The following ATE1 variants were observed in gnomAD, a reference collection of about 807,000 sequenced individuals.
ATE1 encodes arginyltransferase 1.
Under a neutral mutation model 70.5 loss-of-function variants are expected in ATE1, and 36 were observed. The ratio of observed to expected loss-of-function variants is 0.51; its 90% confidence interval spans 0.39 to 0.67. The LOEUF (loss-of-function observed/expected upper bound fraction) is 0.67, where lower values mean the gene tolerates loss of function less well. Among genes scored for constraint, ATE1 ranks in the 30% least tolerant of loss-of-function variants. The pLI is 0.00. For synonymous variants in ATE1, 232 were observed against 219.3 expected (o/e 1.06, Z -0.51); for missense variants, 593 against 629.5 (o/e 0.94, Z 0.62).
intron 10 of ATE1, among the ~76,000 whole-genome samples, chr10:121,813,657 CCCAGG>C (rs1947415105): frequency 6.6e-6 from 1 of 152,072 alleles, no homozygotes; most frequent in Non-Finnish European, 1.5e-5. Flanking sequence ...GAGGAGGAAA[CCCAGG>C]CTAGATGAAG....
At chr10:121,852,656 A>C (rs1271891301) in intron 8 of ATE1, among the ~76,000 whole-genome samples, 2 of 152,196 alleles carry the variant, frequency 1.3e-5, no homozygotes, top group Non-Finnish European at 2.9e-5. Context: ...GGTTGCAGTG[A>C]GCTGAGATCG....
At chr10:121,877,040 T>C (rs1950077985) in intron 7 of ATE1, among the ~76,000 whole-genome samples, 1 of 151,450 alleles carries the variant, frequency 6.6e-6, no homozygotes, top group Non-Finnish European at 1.5e-5. Flanking sequence ...ACAGAGTTCA[T>C]ATAAAATCAC....
chr10:121,908,754 T>A (rs1951302411), intron 5 of ATE1, among the ~76,000 whole-genome samples: 1 of 152,050 alleles, frequency 6.6e-6, no homozygotes, highest in South Asian at 2.1e-4. Context: ...CTCAAATAAT[T>A]CAAACTCAAA....
intron 5 of ATE1, among the ~76,000 whole-genome samples, chr10:121,904,640 CAAAAAAA>C (rs778557337): frequency 4.3e-5 from 2 of 46,492 alleles, no homozygotes; most frequent in Non-Finnish European, 9.0e-5. Flanking sequence ...GACTCCGTCT[CAAAAAAA>C]AAAAAAAAAA....
intron 3 of ATE1, among the ~76,000 whole-genome samples, chr10:121,917,087 C>T (rs1163747663): frequency 2.0e-5 from 3 of 151,828 alleles, no homozygotes; most frequent in African/African-American, 7.3e-5. Flanking sequence ...TCACTTGAGC[C>T]CAAGGGTGGA....
intron 7 of ATE1, among the ~76,000 whole-genome samples, chr10:121,893,741 A>T (rs1950663624): frequency 6.6e-6 from 1 of 152,198 alleles, no homozygotes; most frequent in African/African-American, 2.4e-5. Flanking sequence ...ATATCTTAAA[A>T]ATATATAGTG....
chr10:121,875,009 C>T (rs1157904747), intron 7 of ATE1, among the ~76,000 whole-genome samples: 3 of 36,412 alleles, frequency 8.2e-5, no homozygotes, highest in Admixed American at 1.8e-4. Context: ...AAAAATTAGC[C>T]GGGCACGTAG....
intron 8 of ATE1, among the ~76,000 whole-genome samples, chr10:121,841,932 A>T (rs1948645224): frequency 6.6e-6 from 1 of 152,222 alleles, no homozygotes; most frequent in South Asian, 2.1e-4. Flanking sequence ...ATAAAAAAAT[A>T]AAAACTATGT....
chr10:121,802,054 T>A (rs7084074), intron 10 of ATE1, among the ~76,000 whole-genome samples: 1 of 152,144 alleles, frequency 6.6e-6, no homozygotes, highest in African/African-American at 2.4e-5. Flanking sequence ...CAAATCCCAA[T>A]AGAATCTGTG....
intron 8 of ATE1, among the ~76,000 whole-genome samples, chr10:121,848,709 G>C (rs1449933533): frequency 7.0e-6 from 1 of 143,382 alleles, no homozygotes; most frequent in Non-Finnish European, 1.5e-5. Context: ...TCAGGAGTTC[G>C]AGACCAGCCT....
intron 7 of ATE1, among the ~76,000 whole-genome samples, chr10:121,875,704 G>C (rs946180303): frequency 6.6e-6 from 1 of 152,096 alleles, no homozygotes; most frequent in Non-Finnish European, 1.5e-5. Context: ...TCTAAAAAAC[G>C]ATTCCATGGC....
At chr10:121,869,199 G>A (rs1344423645) in intron 8 of ATE1, among the ~76,000 whole-genome samples, 1 of 152,136 alleles carries the variant, frequency 6.6e-6, no homozygotes. Context: ...GCATCTAAAA[G>A]ATAACAAAAA....
At chr10:121,811,055 G>T (rs1554898086) in intron 10 of ATE1, among the ~76,000 whole-genome samples, 1 of 152,082 alleles carries the variant, frequency 6.6e-6, no homozygotes, top group Non-Finnish European at 1.5e-5. Context: ...GGACATTATG[G>T]GTCGAATGAC....
At position 121,761,992 on chromosome 10, in the gene ATE1, C is replaced by T. The variant is rs1369572406; in HGVS notation, c.1379-18134G>A. On this transcript the variant is annotated intron_variant, in intron 11 of 11. Transcript: ENST00000224652. ...ACTTAATGGCCATTCCCTCATCTCC[C>T]ACTCACTCTACAATCTATTTTAAAG... 2.0e-5 allele frequency among the ~76,000 whole-genome samples: 3 copies of T among 152,156 alleles called. 1 individual carries two copies. Among genetic ancestry groups the T allele is most frequent in the African/African-American group, 7.2e-5 (3 of 41,416 alleles).
chr10:121,911,387 C>T (rs1951419091), intron 4 of ATE1, among the ~76,000 whole-genome samples: 1 of 150,092 alleles, frequency 6.7e-6, no homozygotes, highest in South Asian at 2.1e-4. Context: ...TGCTTGAGGC[C>T]AGGAGTTTAA....
At chr10:121,769,631 A>T (rs7068873) in intron 11 of ATE1, among the ~76,000 whole-genome samples, 17,228 of 152,236 alleles carry the variant, frequency 0.11, 1,081 homozygotes, top group Admixed American at 0.18. Flanking sequence ...CAAAGGACAC[A>T]TATCTGGAAT....
At chr10:121,803,134 C>T (rs748504183) in intron 10 of ATE1, among the ~76,000 whole-genome samples, 15 of 152,180 alleles carry the variant, frequency 9.9e-5, no homozygotes, top group Non-Finnish European at 1.5e-4. Flanking sequence ...CTTCCACCCC[C>T]TGACCTAAAA....
intron 3 of ATE1, among the ~76,000 whole-genome samples, chr10:121,916,829 C>T (rs567234329): frequency 2.2e-4 from 33 of 149,004 alleles, no homozygotes; most frequent in South Asian, 2.1e-4. Context: ...AACGAGACTC[C>T]GTCTCAAACA....
At chr10:121,771,062 T>C (rs1374230783) in intron 11 of ATE1, among the ~76,000 whole-genome samples, 1 of 151,960 alleles carries the variant, frequency 6.6e-6, no homozygotes, top group Non-Finnish European at 1.5e-5. Flanking sequence ...CACAACCATC[T>C]CTCTCTACTT....
Sources: allele counts gnomAD v4.1 joint callset (sites outside exome capture counted in the v4.1 genomes callset), GRCh38; gene constraint gnomAD v4.1.1; transcripts MANE v1.5; gene names NCBI Gene and HGNC (gene_info 2026-07-23, HGNC 2026-07-21).